JAZF1: variants seen among roughly 807,000 people sequenced by gnomAD.
The protein encoded by JAZF1 is juxtaposed with another zinc finger protein 1.
A neutral mutation model predicts 26.4 loss-of-function variants in JAZF1; 8 were observed. That is an observed-to-expected ratio of 0.30 (90% CI 0.18 to 0.55). The LOEUF (loss-of-function observed/expected upper bound fraction) is 0.55. JAZF1 is among the 20% of genes least tolerant of loss of function. The pLI, the probability that JAZF1 is intolerant of heterozygous loss-of-function variation, is 0.94. For missense variants in JAZF1, 199 were observed against 322.0 expected, an observed-to-expected ratio of 0.62 and a Z score of 2.92; for synonymous variants, 126 against 122.3, an observed-to-expected ratio of 1.03 and a Z score of -0.20.
chr7:28,003,708 AT>A (rs1467722952), intron 1 of JAZF1, among the ~76,000 whole-genome samples: 4 of 151,578 alleles, frequency 2.6e-5, no homozygotes, highest in South Asian at 2.1e-4. Flanking sequence ...ACCTGCCAAA[AT>A]TTTTTTTTCT....
At chr7:27,955,053 C>T (rs912501707) in intron 2 of JAZF1, among the ~76,000 whole-genome samples, 4 of 152,230 alleles carry the variant, frequency 2.6e-5, no homozygotes, top group South Asian at 4.1e-4. Flanking sequence ...CCACCGTGCC[C>T]AGCCAGGACT....
At chr7:27,979,908 A>T (rs1254160808) in intron 2 of JAZF1, among the ~76,000 whole-genome samples, 1 of 152,176 alleles carries the variant, frequency 6.6e-6, no homozygotes, top group South Asian at 2.1e-4. Context: ...GCCATCTATC[A>T]TATAGGAATT....
At chr7:27,856,026 G>A (rs893902601) in intron 3 of JAZF1, among the ~76,000 whole-genome samples, 5 of 152,228 alleles carry the variant, frequency 3.3e-5, no homozygotes, top group Non-Finnish European at 7.3e-5. Flanking sequence ...CCATCGAGTT[G>A]GCTTCATCCC....
rs576990330 is a variant in JAZF1 at position 28,010,744 on chromosome 7, G to A, written c.116-18763C>T. On this transcript the variant is annotated intron_variant, in intron 1 of 4. Coordinates refer to ENST00000283928, the MANE Select transcript of JAZF1 (RefSeq NM_175061.4). ...AAAGCCAGCAACTTGTTTCTTTCCT[G>A]TCCCTAGCATTTAGCACAAGGGCTG... is the stretch of plus-strand genomic sequence containing the variant. 2.0e-5 allele frequency among the ~76,000 whole-genome samples: 3 copies of A among 152,294 alleles called. No individual in the cohort carries two copies. The East Asian group carries it at 5.8e-4, about 29-fold the overall frequency.
At chr7:27,942,181 T>A (rs1784857465) in intron 2 of JAZF1, among the ~76,000 whole-genome samples, 2 of 152,238 alleles carry the variant, frequency 1.3e-5, no homozygotes, top group Non-Finnish European at 2.9e-5. Flanking sequence ...ATGATCAAGA[T>A]AACAGATAAC....
At chr7:28,177,052 T>C (rs1241189700) in intron 1 of JAZF1, among the ~76,000 whole-genome samples, 1 of 152,180 alleles carries the variant, frequency 6.6e-6, no homozygotes, top group Non-Finnish European at 1.5e-5. Context: ...GACCTATGAA[T>C]GAATTGATAA....
chr7:28,024,289 T>C (rs947039968), intron 1 of JAZF1, among the ~76,000 whole-genome samples: 2 of 151,782 alleles, frequency 1.3e-5, no homozygotes, highest in Non-Finnish European at 2.9e-5. Flanking sequence ...AACAAGACTC[T>C]GTCACAAAAA....
chr7:27,856,831 G>A (rs1403494785), intron 3 of JAZF1, among the ~76,000 whole-genome samples: 1 of 152,232 alleles, frequency 6.6e-6, no homozygotes, highest in Non-Finnish European at 1.5e-5. Context: ...GATAGAGAGT[G>A]CTGATTGGTG....
At chr7:27,963,364 T>C (rs1039457005) in intron 2 of JAZF1, among the ~76,000 whole-genome samples, 1 of 152,124 alleles carries the variant, frequency 6.6e-6, no homozygotes, top group Non-Finnish European at 1.5e-5. Context: ...AATGCTTGGA[T>C]GAGGAAAAAA....
intron 2 of JAZF1, among the ~76,000 whole-genome samples, chr7:27,950,702 C>A (rs186463820): frequency 6.6e-6 from 1 of 152,240 alleles, no homozygotes; most frequent in African/African-American, 2.4e-5. Context: ...GTCCAAGGGA[C>A]CTACAGAGTG....
At chr7:28,034,653 T>G (rs1783253747) in intron 1 of JAZF1, among the ~76,000 whole-genome samples, 1 of 152,170 alleles carries the variant, frequency 6.6e-6, no homozygotes, top group Non-Finnish European at 1.5e-5. Context: ...GAGGCCAAAC[T>G]GTGTAAGTGA....
intron 1 of JAZF1, among the ~76,000 whole-genome samples, chr7:28,116,908 C>T (rs1024390837): frequency 1.3e-5 from 2 of 152,120 alleles, no homozygotes; most frequent in African/African-American, 2.4e-5. Context: ...ACTGCAACCT[C>T]CGCCTCCCAG....
intron 1 of JAZF1, among the ~76,000 whole-genome samples, chr7:28,080,995 G>C (rs11979376): frequency 0.062 from 9,357 of 152,062 alleles, 963 homozygotes; most frequent in African/African-American, 0.21. Flanking sequence ...GTGCCTGTAG[G>C]GGGGAAGGGA....
In JAZF1 at chr7:28,152,780, A is replaced by G. The variant is rs115354938; in HGVS notation, c.115+27683T>C. ...GCGAAATTCAGCTAGGTCTATTGAC[A>G]CAGGACAGGAAAAGGAAGAAGGTAG... On this transcript the variant is annotated intron_variant, in intron 1 of 4. Coordinates refer to ENST00000283928, the MANE Select transcript of JAZF1 (RefSeq NM_175061.4). Among the ~76,000 whole-genome samples the G allele has an allele frequency of 5.2e-3, 787 of 152,372 alleles. 5 individuals are homozygous for G. The highest frequency in any genetic ancestry group is 0.018 in the African/African-American group (745 of 41,586).
At chr7:28,033,233 G>A (rs941517535) in intron 1 of JAZF1, among the ~76,000 whole-genome samples, 5 of 152,126 alleles carry the variant, frequency 3.3e-5, no homozygotes, top group South Asian at 2.1e-4. Context: ...TCGATTATGC[G>A]ATCAAAAGTC....
intron 1 of JAZF1, among the ~76,000 whole-genome samples, chr7:28,166,000 A>G (rs1426477560): frequency 6.6e-6 from 1 of 152,200 alleles, no homozygotes; most frequent in Non-Finnish European, 1.5e-5. Context: ...TGAAAAATAA[A>G]AAAAAAGCAT....
At chr7:28,115,730 TCAC>T (rs955859398) in intron 1 of JAZF1, among the ~76,000 whole-genome samples, 8 of 152,260 alleles carry the variant, frequency 5.3e-5, no homozygotes, top group Admixed American at 2.6e-4. Flanking sequence ...CTCTTCCTGC[TCAC>T]CACATCCTTA....
chr7:27,953,360 T>G (rs756848042), intron 2 of JAZF1, among the ~76,000 whole-genome samples: 10 of 152,236 alleles, frequency 6.6e-5, no homozygotes, highest in Non-Finnish European at 1.3e-4. Flanking sequence ...AGGTCATGTT[T>G]GAGACTAAAA....
intron 1 of JAZF1, among the ~76,000 whole-genome samples, chr7:28,045,725 C>T (rs1364715883): frequency 6.6e-6 from 1 of 152,038 alleles, no homozygotes; most frequent in Non-Finnish European, 1.5e-5. Flanking sequence ...TACAGGCATG[C>T]TATACCATGT....
Sources: gnomAD v4.1 joint callset for allele counts (sites outside exome capture counted in the v4.1 genomes callset) on GRCh38, gnomAD v4.1.1 for gene constraint, MANE v1.5 for transcripts, NCBI Gene and HGNC (gene_info 2026-07-23, HGNC 2026-07-21) for gene names.